The following SLIT3 variants were observed in gnomAD, a reference collection of about 807,000 sequenced individuals.
SLIT3 encodes the protein slit homolog 3 protein.
Under a neutral mutation model 184.0 loss-of-function variants are expected in SLIT3, and 68 were observed. The observed-to-expected ratio is 0.37, with a 90% confidence interval of 0.30 to 0.45. The LOEUF (loss-of-function observed/expected upper bound fraction) is 0.45. Ranked by LOEUF, SLIT3 falls within the 20% of genes least tolerant of loss-of-function variation. The pLI, the probability that SLIT3 is intolerant of heterozygous loss-of-function variation, is 1.00. For missense variants in SLIT3, 1,707 were observed against 2,026.0 expected, an observed-to-expected ratio of 0.84 and a Z score of 3.02; for synonymous variants, 831 against 828.6, an observed-to-expected ratio of 1.00 and a Z score of -0.05.
intron 27 of SLIT3, among the ~76,000 whole-genome samples, chr5:168,699,019 T>C (rs1762140442): frequency 2.0e-5 from 3 of 152,128 alleles, no homozygotes; most frequent in African/African-American, 7.2e-5. Context: ...CTCGCCTGGG[T>C]GGGGCAGCCC....
At chr5:168,919,657 A>G (rs1368727851) in intron 4 of SLIT3, among the ~76,000 whole-genome samples, 1 of 152,134 alleles carries the variant, frequency 6.6e-6, no homozygotes, top group Non-Finnish European at 1.5e-5. Flanking sequence ...AAAAAAAACA[A>G]AGAACATTAA....
intron 4 of SLIT3, among the ~76,000 whole-genome samples, chr5:168,921,927 T>C (rs1761648719): frequency 6.6e-6 from 1 of 152,310 alleles, no homozygotes; most frequent in South Asian, 2.1e-4. Flanking sequence ...TAAATCACTC[T>C]TAGGAAGTAT....
chr5:169,039,519 A>G (rs7700460), intron 4 of SLIT3, among the ~76,000 whole-genome samples: 2,591 of 151,880 alleles, frequency 0.017, 61 homozygotes, highest in African/African-American at 0.058. Context: ...GGGTTTCACC[A>G]TGTTAGCCGG....
At chr5:168,963,855 C>T (rs905673446) in intron 4 of SLIT3, among the ~76,000 whole-genome samples, 1 of 152,148 alleles carries the variant, frequency 6.6e-6, no homozygotes, top group African/African-American at 2.4e-5. Flanking sequence ...TAAGTAAAAA[C>T]CAGGAAAATA....
At chr5:169,007,053 T>TG (rs1755961807) in intron 4 of SLIT3, among the ~76,000 whole-genome samples, 1 of 152,048 alleles carries the variant, frequency 6.6e-6, no homozygotes, top group Admixed American at 6.5e-5. Flanking sequence ...GACTGGATCA[T>TG]GGGGGCGGTT....
intron 1 of SLIT3, among the ~76,000 whole-genome samples, chr5:169,260,395 C>G (rs1002573595): frequency 2.6e-5 from 4 of 152,174 alleles, no homozygotes; most frequent in African/African-American, 9.6e-5. Context: ...TGCTTTTTCT[C>G]TTCCCTATGA....
chr5:168,988,641 A>G (rs1196532724), intron 4 of SLIT3, among the ~76,000 whole-genome samples: 1 of 152,224 alleles, frequency 6.6e-6, no homozygotes, highest in Non-Finnish European at 1.5e-5. Context: ...CAAACTTCCA[A>G]CCAAATACTT....
Position 168,662,491 on chromosome 5 carries a change from T to A in SLIT3, c.*3963A>T, listed in dbSNP as rs1760898461. The stretch of plus-strand genomic sequence containing the variant: ...TCCCTCTGAGCTTGGGAGTTATCCC[T>A]CTTCTTGCCCTTCTTCTCATCTTTT... On this transcript the variant is annotated 3_prime_UTR_variant, in exon 36 of 36. Coordinates refer to ENST00000519560, the MANE Select transcript of SLIT3 (RefSeq NM_003062.4). The A allele has an allele frequency of 6.6e-6, 1 of 152,158 alleles. No homozygotes were observed. Among genetic ancestry groups the A allele is most frequent in the Non-Finnish European group, 1.5e-5 (1 of 68,046 alleles). The allele number at this position is 152,158 out of a possible 1,614,324, so 9.4% of individuals were successfully genotyped here. A position where few individuals can be genotyped will look rare whatever the true frequency, so the allele number is the denominator to read the frequency against.
At chr5:169,046,902 C>A (rs1757643871) in intron 4 of SLIT3, among the ~76,000 whole-genome samples, 1 of 152,196 alleles carries the variant, frequency 6.6e-6, no homozygotes, top group African/African-American at 2.4e-5. Context: ...CAGCTGGGTG[C>A]CTGTATCAGA....
intron 4 of SLIT3, among the ~76,000 whole-genome samples, chr5:169,007,160 T>G (rs34635447): frequency 2.6e-5 from 4 of 152,184 alleles, no homozygotes; most frequent in African/African-American, 9.7e-5. Context: ...TGCCACCTTG[T>G]GAAGAAGGTC....
At position 168,666,425 on chromosome 5, in the gene SLIT3, CGA is replaced by C; in HGVS notation, c.*27_*28del. Reference sequence around the variant, plus strand: ...GTCCCAACTCCATCAAGCTGGAGTCCGAGAGGTGGCAGGCAGGCGGGCAGGGG... The same window carrying C: ...GTCCCAACTCCATCAAGCTGGAGTCCGAGGTGGCAGGCAGGCGGGCAGGGG... On this transcript the variant is annotated 3_prime_UTR_variant, in exon 36 of 36. Transcript: ENST00000519560. The C allele has an allele frequency of 6.6e-7, 1 of 1,522,162 alleles. No individual in the cohort carries two copies. Among genetic ancestry groups the C allele is most frequent in the Admixed American group, 2.0e-5 (1 of 50,316 alleles). 94.3% of individuals were successfully genotyped at this position (1,522,162 alleles called of 1,614,324 possible).
intron 4 of SLIT3, among the ~76,000 whole-genome samples, chr5:168,973,056 T>C (rs1754633387): frequency 6.6e-6 from 1 of 152,186 alleles, no homozygotes; most frequent in Non-Finnish European, 1.5e-5. Context: ...AACTTCAGTA[T>C]GTTAAGCTCC....
intron 4 of SLIT3, among the ~76,000 whole-genome samples, chr5:169,145,843 C>T (rs913487432): frequency 2.0e-5 from 3 of 152,122 alleles, no homozygotes; most frequent in African/African-American, 7.2e-5. Flanking sequence ...AGGTCAGGAG[C>T]TCGAGGCCAG....
chr5:168,883,198 A>T, intron 5 of SLIT3, 67 bp downstream of exon 5: 1 of 1,285,306 alleles, frequency 7.8e-7, no homozygotes, highest in Non-Finnish European at 1.1e-6. Flanking sequence ...CCCATCCCTC[A>T]CCCTCACTCT....
In SLIT3 at chr5:168,806,510, C is replaced by T. The variant is rs142786198; in HGVS notation, c.871G>A (p.Val291Met). 7.9e-5 allele frequency: 128 copies of T among 1,614,004 alleles called. No homozygotes were observed. Among genetic ancestry groups the T allele is most frequent in the Admixed American group, 2.2e-4 (13 of 60,006 alleles). Residue 291 changes from valine to methionine, a missense_variant, in exon 9 of 36, where the codon GTG becomes ATG. Val to Met is a conservative substitution (Grantham distance 21). Coordinates refer to ENST00000519560, the MANE Select transcript of SLIT3 (RefSeq NM_003062.4). ...PSPCTCSNNI[V>M]DCRGKGLMEI... ...ATCAAGCCCTTTCCTCGACAGTCCA[C>T]GATGTTATTGCTGCACGTGCAGGGC...
chr5:169,182,076 G>T (rs919295482), intron 4 of SLIT3, among the ~76,000 whole-genome samples: 1 of 152,166 alleles, frequency 6.6e-6, no homozygotes, highest in Admixed American at 6.5e-5. Context: ...TTGGCCAACC[G>T]TGGGGAGAGT....
In SLIT3 at chr5:168,753,110, G is replaced by T. The variant is rs369283529; in HGVS notation, c.1830-12C>A. ...TACTCCTCAGCATCCTACAGGGAGA[G>T]GGGTGGGGATGAGAGAGCACAGGCA... On this transcript the variant is annotated splice_polypyrimidine_tract_variant and intron_variant, in intron 17 of 35. Coordinates refer to ENST00000519560, the MANE Select transcript of SLIT3 (RefSeq NM_003062.4). 2.5e-6 allele frequency: 4 copies of T among 1,613,712 alleles called. No homozygotes were observed. The highest frequency in any genetic ancestry group is 2.7e-5 in the African/African-American group (2 of 74,916).
At chr5:169,137,335 C>CACACACACACAG (rs368371904) in intron 4 of SLIT3, among the ~76,000 whole-genome samples, 12 of 138,554 alleles carry the variant, frequency 8.7e-5, no homozygotes, top group African/African-American at 3.4e-4. Context: ...CACACACACA[C>CACACACACACAG]AGAGAGAGAG....
At chr5:168,721,202 G>A (rs902639020) in intron 23 of SLIT3, among the ~76,000 whole-genome samples, 3 of 152,178 alleles carry the variant, frequency 2.0e-5, no homozygotes, top group African/African-American at 7.2e-5. Context: ...TAGCATTCAA[G>A]GGTGATATTC....
Sources: allele counts gnomAD v4.1 joint callset (sites outside exome capture counted in the v4.1 genomes callset), GRCh38; gene constraint gnomAD v4.1.1; transcripts MANE v1.5; gene names NCBI Gene and HGNC (gene_info 2026-07-23, HGNC 2026-07-21).